The following AMPD3 variants were observed in gnomAD, a reference collection of about 807,000 sequenced individuals.
The protein encoded by AMPD3 is AMP deaminase 3.
In AMPD3, 57 loss-of-function variants were observed where a neutral mutation model predicts 82.3. That is an observed-to-expected ratio of 0.69 (90% confidence interval 0.56 to 0.86). AMPD3 has a LOEUF of 0.86. AMPD3 is among the 40% of genes least tolerant of loss of function. The pLI, the probability that AMPD3 is intolerant of heterozygous loss-of-function variation, is 0.00. For missense variants in AMPD3, 870 were observed against 1,003.8 expected, an observed-to-expected ratio of 0.87 and a Z score of 1.80; for synonymous variants, 381 against 394.7, an observed-to-expected ratio of 0.97 and a Z score of 0.41.
chr11:10,475,086 AG>A (rs1172919594), intron 2 of AMPD3, among the ~76,000 whole-genome samples: 2 of 152,210 alleles, frequency 1.3e-5, no homozygotes, highest in East Asian at 3.8e-4. Context: ...ATAGTTCTGC[AG>A]GCTGTACAGG....
At chr11:10,504,467 G>C in intron 13 of AMPD3, 82 bp from the exon 14 acceptor site, 29 of 1,378,166 alleles carry the variant, frequency 2.1e-5, no homozygotes, top group Non-Finnish European at 3.0e-5. Context: ...CGCAGTGTCT[G>C]ATGTTGTTAG....
chr11:10,481,999 T>C, intron 3 of AMPD3, 64 bp from the exon 4 acceptor site: 1 of 1,606,748 alleles, frequency 6.2e-7, no homozygotes, highest in Non-Finnish European at 8.5e-7. Flanking sequence ...CAAGCACATC[T>C]TTCCAAGGAT....
At chr11:10,493,226 G>T in intron 6 of AMPD3, 123 bp from the exon 7 acceptor site, 1 of 1,133,618 alleles carries the variant, frequency 8.8e-7, no homozygotes, top group Non-Finnish European at 1.3e-6. Flanking sequence ...TCCAGACACT[G>T]GTGGGGCTGC....
intron 10 of AMPD3, chr11:10,497,882 C>G (rs1001856514): frequency 1.0e-6 from 1 of 970,726 alleles, no homozygotes; most frequent in Non-Finnish European, 1.2e-6. Flanking sequence ...TTACTATCAC[C>G]ATTTTGTTGT....
At chr11:10,476,765 C>T (rs1044556314) in intron 2 of AMPD3, among the ~76,000 whole-genome samples, 1 of 152,196 alleles carries the variant, frequency 6.6e-6, no homozygotes, top group African/African-American at 2.4e-5. Flanking sequence ...ACCTCATCCT[C>T]AAGGTGAATC....
At position 10,492,593 on chromosome 11, in the gene AMPD3, T is replaced by G. The variant is rs568779366; in HGVS notation, c.940-756T>G. On this transcript the variant is annotated intron_variant, in intron 6 of 14. Coordinates refer to ENST00000396553, the MANE Select transcript of AMPD3 (RefSeq NM_001025389.2). The stretch of plus-strand genomic sequence containing the variant: ...TCGTACCTGTTAATTTGTTCATTCA[T>G]TCATCCATTGGTTCGACTTTGTACT... 3.5e-4 allele frequency among the ~76,000 whole-genome samples: 54 copies of G among 152,334 alleles called. 1 individual carries two copies. In the South Asian group the frequency reaches 0.011, roughly 32 times the overall value.
intron 9 of AMPD3, 178 bp from the exon 10 acceptor site, chr11:10,496,634 A>G: frequency 2.8e-6 from 4 of 1,436,152 alleles, no homozygotes; most frequent in Non-Finnish European, 3.7e-6. Context: ...AAGGCAGAAT[A>G]TTGCAGACAT....
At chr11:10,483,353 C>T (rs1286624716) in intron 4 of AMPD3, among the ~76,000 whole-genome samples, 1 of 152,162 alleles carries the variant, frequency 6.6e-6, no homozygotes, top group Non-Finnish European at 1.5e-5. Context: ...CCCTGGCTGC[C>T]TCTGGGGGTA....
rs1442354612 is a variant in AMPD3 at position 10,495,616 on chromosome 11, C to T, written c.1313C>T (p.Pro438Leu). The part of the protein sequence containing the change: ...LEESKYQYSE[P>L]RLSIYGRSPE... ...GAGAGCAAGTACCAGTACTCAGAGCCACGGCTCTCCATCTACGGCCGCAGT... is the reference window on the plus strand; with the variant it reads ...GAGAGCAAGTACCAGTACTCAGAGCTACGGCTCTCCATCTACGGCCGCAGT... Residue 438 changes from proline to leucine, a missense_variant, in exon 9 of 15, where the codon CCA becomes CTA. By Grantham distance (98) the Pro-to-Leu change is moderately conservative (BLOSUM62 -3). Transcript: ENST00000396553. The T allele has an allele frequency of 5.0e-6, 8 of 1,613,720 alleles. No individual in the cohort carries two copies. The highest frequency in any genetic ancestry group is 5.9e-6 in the Non-Finnish European group (7 of 1,180,028).
chr11:10,454,152 T>C (rs1268430504), upstream of AMPD3, among the ~76,000 whole-genome samples: 2 of 152,212 alleles, frequency 1.3e-5, no homozygotes, highest in Non-Finnish European at 2.9e-5. Flanking sequence ...TGTGAGGTCC[T>C]GAGAAGAGCT....
At chr11:10,464,346 C>T (rs1303754220) in intron 2 of AMPD3, among the ~76,000 whole-genome samples, 1 of 152,158 alleles carries the variant, frequency 6.6e-6, no homozygotes, top group Non-Finnish European at 1.5e-5. Context: ...GATTAGGGAA[C>T]GAAGGCTCAG....
chr11:10,495,959 C>CA (rs1849387115), intron 9 of AMPD3, among the ~76,000 whole-genome samples: 1 of 150,884 alleles, frequency 6.6e-6, no homozygotes, highest in African/African-American at 2.4e-5. Context: ...CTCTGTCACC[C>CA]AGGCTCTGAG....
intron 1 of AMPD3, among the ~76,000 whole-genome samples, chr11:10,457,187 C>T (rs1367720725): frequency 6.6e-6 from 1 of 151,672 alleles, no homozygotes; most frequent in Non-Finnish European, 1.5e-5. Context: ...TGACATATTG[C>T]ACCAGGCTGA....
At chr11:10,472,994 A>C (rs1281635446) in intron 2 of AMPD3, among the ~76,000 whole-genome samples, 1 of 150,634 alleles carries the variant, frequency 6.6e-6, no homozygotes. Flanking sequence ...AGGGAGGGAG[A>C]CTCTGTCTTG....
rs577741945 is a variant in AMPD3, at chr11:10,494,963, A to T, written c.1199A>T (p.Glu400Val). The change falls in exon 8 of 15, where the codon GAG becomes GTG. Residue 400 changes from glutamate to valine, a missense_variant. Transcript: ENST00000396553. ...NSKYNPVGASELRDLYLKTEN... is the reference protein window; with the variant it reads ...NSKYNPVGASVLRDLYLKTEN... ...AAATACAACCCTGTGGGGGCCAGTGAGCTGCGTGACCTGTATTTGAAAACT... is the reference window on the plus strand; with the variant it reads ...AAATACAACCCTGTGGGGGCCAGTGTGCTGCGTGACCTGTATTTGAAAACT... The T allele has an allele frequency of 6.2e-7, 1 of 1,614,200 alleles. No homozygotes were observed. Among genetic ancestry groups the T allele is most frequent in the Non-Finnish European group, 8.5e-7 (1 of 1,180,034 alleles).
rs1014762599 is a variant in AMPD3 at position 10,456,635 on chromosome 11, T to A, written c.-6+1187T>A. ...CAGTGAGATAAGCTGTATCATTGGC[T>A]GACTGATGCTGGTGAATTCACAGCT... is the stretch of plus-strand genomic sequence containing the variant. On this transcript the variant is annotated intron_variant, in intron 1 of 14. Coordinates refer to ENST00000396553, the MANE Select transcript of AMPD3 (RefSeq NM_001025389.2). The surrounding 1 kb of genome is among the most constrained non-coding windows in gnomAD (Gnocchi z 4.3). 8 of 983,098 alleles carry A rather than the reference T, an allele frequency of 8.1e-6. No homozygotes were observed. The highest frequency in any genetic ancestry group is 6.1e-5 in the Admixed American group (1 of 16,272). 60.9% of individuals were successfully genotyped at this position (983,098 alleles called of 1,614,324 possible). A position where few individuals can be genotyped will look rare whatever the true frequency, so the allele number is the denominator to read the frequency against.
intron 7 of AMPD3, 46 bp from the exon 8 acceptor site, chr11:10,494,853 G>A (rs755150936): frequency 1.3e-6 from 2 of 1,592,954 alleles, no homozygotes; most frequent in Admixed American, 1.7e-5. Flanking sequence ...GAACGTGCAT[G>A]GTGGCTGCAG....
At chr11:10,489,375 C>A (rs1849174682) in intron 6 of AMPD3, among the ~76,000 whole-genome samples, 3 of 152,202 alleles carry the variant, frequency 2.0e-5, no homozygotes, top group African/African-American at 7.2e-5. Context: ...ACTGGCTGTG[C>A]TGGCACTGAC....
At chr11:10,465,353 A>G (rs1848388088) in intron 2 of AMPD3, among the ~76,000 whole-genome samples, 1 of 152,214 alleles carries the variant, frequency 6.6e-6, no homozygotes, top group Admixed American at 6.5e-5. Context: ...GGAAGAATGC[A>G]GGAATTATGT....
Sources: allele counts gnomAD v4.1 joint callset (sites outside exome capture counted in the v4.1 genomes callset), GRCh38; gene constraint gnomAD v4.1.1; non-coding constraint Gnocchi (gnomAD v3.1); transcripts MANE v1.5; gene names NCBI Gene and HGNC (gene_info 2026-07-23, HGNC 2026-07-21).